Variants in RALYL observed in about 807,000 individuals in gnomAD.
RALYL encodes RNA-binding Raly-like protein.
A neutral mutation model predicts 35.1 loss-of-function variants in RALYL; 29 were observed. The ratio of observed to expected loss-of-function variants is 0.83; its 90% CI spans 0.61 to 1.13. The LOEUF is 1.13. Among genes scored for constraint, RALYL ranks in the 50% most tolerant of loss-of-function variants. The pLI, the probability that RALYL is intolerant of heterozygous loss-of-function variation, is 0.00. For synonymous variants in RALYL, 120 were observed against 127.6 expected, an observed-to-expected ratio of 0.94 and a Z score of 0.40; for missense variants, 359 against 360.4, an observed-to-expected ratio of 1.00 and a Z score of 0.03.
chr8:84,882,718 G>C (rs900826928), intron 7 of RALYL, among the ~76,000 whole-genome samples: 2 of 151,752 alleles, frequency 1.3e-5, no homozygotes, highest in Non-Finnish European at 2.9e-5. Flanking sequence ...GCAGCAGAGA[G>C]AGAAATGCAC....
At chr8:84,202,753 T>C (rs1272556373) in intron 1 of RALYL, among the ~76,000 whole-genome samples, 2 of 152,184 alleles carry the variant, frequency 1.3e-5, no homozygotes, top group Non-Finnish European at 1.5e-5. Context: ...TGCTACAAAA[T>C]TGCATTTTGT....
intron 1 of RALYL, among the ~76,000 whole-genome samples, chr8:84,247,242 C>A (rs1217284554): frequency 6.6e-6 from 1 of 152,118 alleles, no homozygotes; most frequent in Non-Finnish European, 1.5e-5. Context: ...GAGCAAATAT[C>A]CCATGCCATT....
chr8:84,598,251 C>T (rs573946793), intron 2 of RALYL, among the ~76,000 whole-genome samples: 1 of 152,212 alleles, frequency 6.6e-6, no homozygotes, highest in South Asian at 2.1e-4. Flanking sequence ...TCACTGCAGC[C>T]TTGAACTCCT....
intron 2 of RALYL, among the ~76,000 whole-genome samples, chr8:84,611,956 GTTAT>G (rs1346026278): frequency 6.6e-6 from 1 of 151,698 alleles, no homozygotes. Flanking sequence ...TCTGTTTTTG[GTTAT>G]TTGTCTCCAT....
intron 1 of RALYL, among the ~76,000 whole-genome samples, chr8:84,295,501 T>A (rs1839589358): frequency 3.3e-5 from 5 of 152,140 alleles, no homozygotes; most frequent in Admixed American, 3.3e-4. Context: ...AGTCTTGCTA[T>A]GTTGCCCAGG....
chr8:84,749,029 T>C (rs962195266), intron 2 of RALYL, among the ~76,000 whole-genome samples: 1 of 152,160 alleles, frequency 6.6e-6, no homozygotes, highest in Admixed American at 6.6e-5. Context: ...GCAGCAGCAC[T>C]ACTCTGAGAA....
intron 8 of RALYL, among the ~76,000 whole-genome samples, chr8:84,916,014 A>G (rs557145713): frequency 6.6e-6 from 1 of 152,150 alleles, no homozygotes; most frequent in Non-Finnish European, 1.5e-5. Context: ...CTATAGTATC[A>G]TAGAATTTAA....
chr8:84,686,554 G>A (rs73298108), intron 2 of RALYL, among the ~76,000 whole-genome samples: 2 of 152,152 alleles, frequency 1.3e-5, no homozygotes, highest in African/African-American at 4.8e-5. Flanking sequence ...ACAGGTGCAT[G>A]CCACCACGCC....
At chr8:84,271,451 C>T (rs1834295504) in intron 1 of RALYL, among the ~76,000 whole-genome samples, 1 of 146,992 alleles carries the variant, frequency 6.8e-6, no homozygotes, top group Non-Finnish European at 1.5e-5. Flanking sequence ...ATCTAGTAGC[C>T]ACTTTAGAAA....
chr8:84,333,971 C>T (rs1847303654), intron 1 of RALYL, among the ~76,000 whole-genome samples: 1 of 152,104 alleles, frequency 6.6e-6, no homozygotes, highest in African/African-American at 2.4e-5. Flanking sequence ...ACTGCAACCT[C>T]CATCTCCTGG....
intron 1 of RALYL, among the ~76,000 whole-genome samples, chr8:84,484,803 T>A (rs1042317040): frequency 1.3e-5 from 2 of 152,172 alleles, no homozygotes; most frequent in Non-Finnish European, 2.9e-5. Context: ...TTTTGGGGCA[T>A]GATGAGCTTA....
At chr8:84,448,322 G>C (rs969238743) in intron 1 of RALYL, among the ~76,000 whole-genome samples, 2 of 151,976 alleles carry the variant, frequency 1.3e-5, no homozygotes, top group Non-Finnish European at 2.9e-5. Context: ...TTGTGCCTGT[G>C]GTGGGCAGAG....
intron 6 of RALYL, among the ~76,000 whole-genome samples, chr8:84,865,672 G>C (rs537947458): frequency 2.5e-4 from 38 of 152,218 alleles, no homozygotes; most frequent in African/African-American, 8.7e-4. Context: ...ATGAATATCA[G>C]TGAGCTTTAG....
chr8:84,783,350 G>A (rs1212524270), intron 3 of RALYL, among the ~76,000 whole-genome samples: 1 of 152,162 alleles, frequency 6.6e-6, no homozygotes, highest in East Asian at 1.9e-4. Flanking sequence ...AAAATGTGGT[G>A]CACATCACAG....
intron 2 of RALYL, among the ~76,000 whole-genome samples, chr8:84,690,570 T>C (rs974013631): frequency 6.6e-6 from 1 of 152,140 alleles, no homozygotes; most frequent in African/African-American, 2.4e-5. Context: ...ATTTCTTAAT[T>C]TGTATGTATA....
At chr8:84,917,208 T>G (rs1372943524) in intron 8 of RALYL, among the ~76,000 whole-genome samples, 2 of 152,086 alleles carry the variant, frequency 1.3e-5, no homozygotes, top group Non-Finnish European at 2.9e-5. Context: ...TCTTTTTTAT[T>G]TCATGACTAT....
chr8:84,574,409 C>T (rs1416915693), intron 2 of RALYL, among the ~76,000 whole-genome samples: 1 of 151,994 alleles, frequency 6.6e-6, no homozygotes, highest in Non-Finnish European at 1.5e-5. Flanking sequence ...CAGGGAGACT[C>T]CTATGCAGAT....
intron 2 of RALYL, among the ~76,000 whole-genome samples, chr8:84,701,744 C>A (rs1045459210): frequency 1.3e-5 from 2 of 152,122 alleles, no homozygotes; most frequent in Non-Finnish European, 2.9e-5. Context: ...AGCTCTGGCT[C>A]CAAACTTGAA....
chr8:84,898,535 C>G (rs1845141341), intron 8 of RALYL, among the ~76,000 whole-genome samples: 1 of 152,142 alleles, frequency 6.6e-6, no homozygotes, highest in African/African-American at 2.4e-5. Flanking sequence ...AGACACTTCA[C>G]AAAAGAGGTA....
Sources: gnomAD v4.1 joint callset for allele counts (sites outside exome capture counted in the v4.1 genomes callset) on GRCh38, gnomAD v4.1.1 for gene constraint, MANE v1.5 for transcripts, NCBI Gene and HGNC (gene_info 2026-07-23, HGNC 2026-07-21) for gene names.